LRRC4C: variants seen among roughly 807,000 people sequenced by gnomAD.
LRRC4C encodes leucine-rich repeat-containing protein 4C.
LRRC4C carries 5 observed loss-of-function variants against 33.6 expected under a neutral mutation model. That is an observed-to-expected ratio of 0.15 (90% CI 0.08 to 0.31). The LOEUF (loss-of-function observed/expected upper bound fraction) is 0.31, where lower values mean the gene tolerates loss of function less well. Ranked by LOEUF, LRRC4C falls within the 10% of genes least tolerant of loss-of-function variation. The pLI is 1.00. For missense variants in LRRC4C, 560 were observed against 796.7 expected (o/e 0.70, Z 3.58); for synonymous variants, 329 against 302.0 (o/e 1.09, Z -0.93).
At chr11:40,750,749 A>C (rs1037521004) in intron 2 of LRRC4C, among the ~76,000 whole-genome samples, 4 of 151,584 alleles carry the variant, frequency 2.6e-5, no homozygotes, top group Admixed American at 2.6e-4. Context: ...ACATGTATAC[A>C]TATGTAACAA....
At chr11:40,787,912 T>C (rs1034561464) in intron 2 of LRRC4C, among the ~76,000 whole-genome samples, 1 of 152,172 alleles carries the variant, frequency 6.6e-6, no homozygotes, top group African/African-American at 2.4e-5. Context: ...TTCACAGAAC[T>C]CTTCCCATGG....
intron 1 of LRRC4C, among the ~76,000 whole-genome samples, chr11:41,304,078 C>T (rs1309534846): frequency 1.4e-5 from 1 of 72,132 alleles, no homozygotes; most frequent in Non-Finnish European, 3.5e-5. Context: ...CCAGCCACCC[C>T]GTCCGGGAGG....
At chr11:41,196,524 A>G (rs911318785) in intron 1 of LRRC4C, among the ~76,000 whole-genome samples, 2 of 152,060 alleles carry the variant, frequency 1.3e-5, no homozygotes, top group African/African-American at 2.4e-5. Flanking sequence ...TCATTGTTAA[A>G]TAGAAGAGGA....
chr11:40,307,255 T>C (rs532067567), intron 4 of LRRC4C, among the ~76,000 whole-genome samples: 31 of 152,188 alleles, frequency 2.0e-4, no homozygotes, highest in African/African-American at 7.0e-4. Context: ...TTGGGATGAG[T>C]AAATTAGATA....
At position 41,177,775 on chromosome 11, in the gene LRRC4C, G is replaced by A. The variant is rs977865682; in HGVS notation, c.-495-244052C>T. 7.2e-5 allele frequency among the ~76,000 whole-genome samples: 11 copies of A among 152,140 alleles called. 1 individual carries two copies. Among genetic ancestry groups the A allele is most frequent in the Admixed American group, 5.9e-4 (9 of 15,274 alleles). Reference sequence around the variant, plus strand: ...TTTTTCTCCAGAAGTATTCCAAAGTGCCTTAACAATTATATATAGGCAATC... The same window carrying A: ...TTTTTCTCCAGAAGTATTCCAAAGTACCTTAACAATTATATATAGGCAATC... On this transcript the variant is annotated intron_variant, in intron 1 of 6. Coordinates refer to ENST00000528697, the MANE Select transcript of LRRC4C (RefSeq NM_001258419.2).
At chr11:40,311,762 T>C (rs1945319028) in intron 4 of LRRC4C, among the ~76,000 whole-genome samples, 1 of 151,924 alleles carries the variant, frequency 6.6e-6, no homozygotes, top group South Asian at 2.1e-4. Context: ...CTGGCCAACT[T>C]GGTGAAACCC....
chr11:41,281,104 T>TCTCACACA (rs1455403663), intron 1 of LRRC4C, among the ~76,000 whole-genome samples: 2 of 102,512 alleles, frequency 2.0e-5, no homozygotes, highest in Admixed American at 1.2e-4. Context: ...TCTCTCTCTC[T>TCTCACACA]CACACACACA....
chr11:40,792,251 AG>A (rs1489333898), intron 2 of LRRC4C, among the ~76,000 whole-genome samples: 1 of 151,956 alleles, frequency 6.6e-6, no homozygotes, highest in African/African-American at 2.4e-5. Context: ...GCTTCCAAGG[AG>A]TAAAAAAAAA....
intron 1 of LRRC4C, among the ~76,000 whole-genome samples, chr11:41,204,426 G>C (rs1273445913): frequency 6.6e-6 from 1 of 152,122 alleles, no homozygotes; most frequent in Non-Finnish European, 1.5e-5. Flanking sequence ...CTTACACAGT[G>C]AACAGTCACC....
At chr11:41,396,132 CA>C (rs1238050499) in intron 1 of LRRC4C, among the ~76,000 whole-genome samples, 20 of 151,834 alleles carry the variant, frequency 1.3e-4, no homozygotes, top group African/African-American at 4.8e-4. Flanking sequence ...CCAGGGAAGC[CA>C]AAAGATTGGA....
intron 1 of LRRC4C, among the ~76,000 whole-genome samples, chr11:41,331,935 A>G (rs1387948145): frequency 6.6e-6 from 1 of 152,152 alleles, no homozygotes; most frequent in African/African-American, 2.4e-5. Flanking sequence ...CAGCCACTCT[A>G]TCTAAAATTG....
At chr11:40,751,474 T>A (rs538207742) in intron 2 of LRRC4C, among the ~76,000 whole-genome samples, 2 of 152,094 alleles carry the variant, frequency 1.3e-5, no homozygotes, top group African/African-American at 4.8e-5. Context: ...AATAATGAAA[T>A]AGCTATAAAA....
intron 1 of LRRC4C, among the ~76,000 whole-genome samples, chr11:41,111,555 G>A (rs1941833120): frequency 6.6e-6 from 1 of 151,998 alleles, no homozygotes; most frequent in Non-Finnish European, 1.5e-5. Flanking sequence ...AAAAAAGGTG[G>A]TGATACAAAT....
At chr11:40,929,055 A>C (rs2136441502) in intron 2 of LRRC4C, among the ~76,000 whole-genome samples, 1 of 152,332 alleles carries the variant, frequency 6.6e-6, no homozygotes, top group South Asian at 2.1e-4. Flanking sequence ...AATTTGTATA[A>C]TTAAATAAGA....
At chr11:41,022,418 G>T (rs1166330292) in intron 1 of LRRC4C, among the ~76,000 whole-genome samples, 1 of 151,834 alleles carries the variant, frequency 6.6e-6, no homozygotes, top group Non-Finnish European at 1.5e-5. Flanking sequence ...AAGGAGATTT[G>T]CCTTTTACAT....
intron 1 of LRRC4C, among the ~76,000 whole-genome samples, chr11:40,989,995 T>C (rs1470124247): frequency 6.6e-6 from 1 of 151,518 alleles, no homozygotes; most frequent in Non-Finnish European, 1.5e-5. Flanking sequence ...GGAGGATGTG[T>C]GTAGGCTGTA....
chr11:41,134,810 C>CA (rs1943183207), intron 1 of LRRC4C, among the ~76,000 whole-genome samples: 1 of 152,078 alleles, frequency 6.6e-6, no homozygotes, highest in Admixed American at 6.6e-5. Context: ...GTTAGGACAT[C>CA]AACATATCAT....
chr11:41,386,594 T>C (rs1267168783), intron 1 of LRRC4C, among the ~76,000 whole-genome samples: 2 of 151,792 alleles, frequency 1.3e-5, no homozygotes, highest in Admixed American at 1.3e-4. Flanking sequence ...TGATCATCAA[T>C]TGTATTCCTT....
chr11:40,169,112 A>C (rs1266226468), intron 5 of LRRC4C, among the ~76,000 whole-genome samples: 3 of 152,294 alleles, frequency 2.0e-5, no homozygotes, highest in Non-Finnish European at 4.4e-5. Flanking sequence ...TTGACATATA[A>C]ATTCATAAAC....
Sources: allele counts gnomAD v4.1 joint callset (sites outside exome capture counted in the v4.1 genomes callset), GRCh38; gene constraint gnomAD v4.1.1; transcripts MANE v1.5; gene names NCBI Gene and HGNC (gene_info 2026-07-23, HGNC 2026-07-21).